Variants in POLA1 observed in about 807,000 individuals in gnomAD.
POLA1 encodes DNA polymerase alpha 1, catalytic subunit, also known as DNA polymerase alpha catalytic subunit.
A neutral mutation model predicts 124.0 loss-of-function variants in POLA1; 15 were observed. The observed-to-expected ratio is 0.12, with a 90% CI of 0.08 to 0.19. The LOEUF (loss-of-function observed/expected upper bound fraction) is 0.19, where lower values mean the gene tolerates loss of function less well. POLA1 is among the 10% of genes least tolerant of loss of function. The probability of loss-of-function intolerance (pLI) is 1.00; values close to 1 mark genes in which losing one functional copy is unlikely to be tolerated. For missense variants in POLA1, 886 were observed against 1,103.4 expected, an observed-to-expected ratio of 0.80 and a Z score of 2.79; for synonymous variants, 408 against 389.4, an observed-to-expected ratio of 1.05 and a Z score of -0.56.
At chrX:24,901,821 A>G (rs1373742667) in intron 35 of POLA1, among the ~76,000 whole-genome samples, 11 of 111,772 alleles carry the variant, frequency 9.8e-5, no homozygotes, top group Non-Finnish European at 1.7e-4. Context: ...TTGAATTCTA[A>G]TGTATTTAAT....
At chrX:24,728,510 G>A (rs1456055317) in intron 15 of POLA1, among the ~76,000 whole-genome samples, 1 of 111,703 alleles carries the variant, frequency 9.0e-6, no homozygotes, top group Non-Finnish European at 1.9e-5. Flanking sequence ...CACAAGATTC[G>A]CAGATGGTAT....
chrX:24,902,518 G>A (rs1377736519), intron 35 of POLA1, among the ~76,000 whole-genome samples: 1 of 112,074 alleles, frequency 8.9e-6, no homozygotes, highest in Non-Finnish European at 1.9e-5. Context: ...AGTGGTATCA[G>A]ACTATGCCCT....
chrX:24,993,175 A>G (rs2048554847), intron 36 of POLA1, among the ~76,000 whole-genome samples: 1 of 112,491 alleles, frequency 8.9e-6, no homozygotes, highest in Admixed American at 9.4e-5. Context: ...ATGTATTAAG[A>G]TGAGTGATTT....
intron 1 of POLA1, among the ~76,000 whole-genome samples, chrX:24,699,069 C>T (rs912729234): frequency 2.7e-5 from 3 of 112,269 alleles, no homozygotes; most frequent in African/African-American, 9.7e-5. Flanking sequence ...CACTGGATTA[C>T]TTCTGGCTGG....
intron 26 of POLA1, among the ~76,000 whole-genome samples, chrX:24,800,294 T>G (rs906487337): frequency 4.4e-5 from 5 of 112,401 alleles, no homozygotes; most frequent in African/African-American, 1.6e-4. Flanking sequence ...TCAAGTTTGA[T>G]TAAATATGTG....
At chrX:24,719,560 A>C (rs1427005635) in intron 10 of POLA1, among the ~76,000 whole-genome samples, 1 of 111,665 alleles carries the variant, frequency 9.0e-6, no homozygotes, top group Non-Finnish European at 1.9e-5. Context: ...GCTGAAACCC[A>C]GGGCTGCCCC....
intron 34 of POLA1, among the ~76,000 whole-genome samples, chrX:24,861,440 G>A (rs1056708284): frequency 1.8e-5 from 2 of 112,732 alleles, no homozygotes; most frequent in Admixed American, 1.9e-4. Context: ...CCAACACTCA[G>A]TTTTATGTGA....
intron 34 of POLA1, among the ~76,000 whole-genome samples, chrX:24,868,803 A>C (rs1051967461): frequency 8.9e-6 from 1 of 112,252 alleles, no homozygotes; most frequent in African/African-American, 3.2e-5. Context: ...ATAACCTGTA[A>C]GTAATCCATC....
intron 36 of POLA1, among the ~76,000 whole-genome samples, chrX:24,941,778 T>G (rs1238052044): frequency 7.1e-5 from 8 of 112,174 alleles, no homozygotes; most frequent in Non-Finnish European, 1.5e-4. Context: ...GATTACATTC[T>G]CCCTGTATAA....
At chrX:24,704,784 CT>C (rs1480619432) in intron 4 of POLA1, among the ~76,000 whole-genome samples, 2 of 111,966 alleles carry the variant, frequency 1.8e-5, no homozygotes, top group Non-Finnish European at 3.8e-5. Flanking sequence ...AGTAATTGAT[CT>C]TTTTTAATTC....
Position 24,765,444 on chromosome X carries a change from C to T in POLA1, c.2964+16452C>T, listed in dbSNP as rs1396412863. 4.6e-5 allele frequency among the ~76,000 whole-genome samples: 5 copies of T among 109,282 alleles called. No homozygotes were observed. In the South Asian group the frequency reaches 2.0e-3, roughly 44 times the overall value. 94.9% of individuals were successfully genotyped at this position (109,282 alleles called of 115,157 possible). On this transcript the variant is annotated intron_variant, in intron 26 of 36. Transcript: ENST00000379068. ...CTGAGTAGCTGGGATTACAGGCACG[C>T]ACCACCACACCCAGCTAATTTTTGT...
intron 26 of POLA1, among the ~76,000 whole-genome samples, chrX:24,767,692 T>C (rs1932939954): frequency 8.9e-6 from 1 of 111,828 alleles, no homozygotes; most frequent in East Asian, 2.8e-4. Flanking sequence ...TTATTACATG[T>C]GTAGAAATGT....
intron 34 of POLA1, among the ~76,000 whole-genome samples, chrX:24,854,494 A>G (rs954667707): frequency 1.8e-5 from 2 of 111,390 alleles, no homozygotes; most frequent in Non-Finnish European, 3.8e-5. Flanking sequence ...GACTTTATGG[A>G]CTCCAGAACC....
intron 36 of POLA1, among the ~76,000 whole-genome samples, chrX:24,990,816 A>G (rs1198286619): frequency 2.7e-5 from 3 of 112,049 alleles, no homozygotes; most frequent in African/African-American, 9.7e-5. Flanking sequence ...AGCCGAGGTT[A>G]GTCAGCAGCA....
intron 34 of POLA1, among the ~76,000 whole-genome samples, chrX:24,855,026 T>C (rs2147087383): frequency 9.0e-6 from 1 of 111,352 alleles, no homozygotes; most frequent in African/African-American, 3.3e-5. Context: ...GTGAGATAAA[T>C]GTTAACGGGG....
chrX:24,771,963 A>G (rs1162056331), intron 26 of POLA1, among the ~76,000 whole-genome samples: 3 of 112,124 alleles, frequency 2.7e-5, no homozygotes, highest in African/African-American at 9.7e-5. Context: ...TTCCATGCAT[A>G]TACATATGCA....
At chrX:24,906,865 A>G (rs1477430751) in intron 35 of POLA1, among the ~76,000 whole-genome samples, 2 of 111,753 alleles carry the variant, frequency 1.8e-5, no homozygotes, top group African/African-American at 3.3e-5. Context: ...AGAAAGAGTA[A>G]ATGAGCTTGA....
At chrX:24,726,427 G>A (rs1251847278) in intron 13 of POLA1, among the ~76,000 whole-genome samples, 4 of 112,052 alleles carry the variant, frequency 3.6e-5, no homozygotes, top group Non-Finnish European at 7.5e-5. Flanking sequence ...TGCTGCTCTT[G>A]CTCCTGTGAC....
At chrX:24,883,127 G>T (rs1347127539) in intron 34 of POLA1, among the ~76,000 whole-genome samples, 4 of 111,913 alleles carry the variant, frequency 3.6e-5, no homozygotes, top group African/African-American at 1.3e-4. Flanking sequence ...TCGTATGCTT[G>T]TTGGCTGCTT....
Sources: allele counts gnomAD v4.1 joint callset (sites outside exome capture counted in the v4.1 genomes callset), GRCh38; gene constraint gnomAD v4.1.1; transcripts MANE v1.5; gene names NCBI Gene and HGNC (gene_info 2026-07-23, HGNC 2026-07-21).